SPAG16: variants seen among roughly 807,000 people sequenced by gnomAD.
SPAG16 encodes the protein sperm associated antigen 16.
In SPAG16, 86 loss-of-function variants were observed where a neutral mutation model predicts 80.4. The observed-to-expected ratio is 1.07, with a 90% CI of 0.90 to 1.28. The LOEUF is 1.28. SPAG16 is among the 50% of genes most tolerant of loss of function. The pLI is 0.00. For missense variants in SPAG16, 870 were observed against 765.3 expected (o/e 1.14, Z -1.61); for synonymous variants, 294 against 265.9 (o/e 1.11, Z -1.03).
At chr2:213,455,220 T>TGAA (rs2071928986) in intron 9 of SPAG16, among the ~76,000 whole-genome samples, 1 of 152,200 alleles carries the variant, frequency 6.6e-6, no homozygotes, top group Admixed American at 6.5e-5. Flanking sequence ...ATTCTGAAGT[T>TGAA]TTACCTGAGG....
Position 213,804,645 on chromosome 2 carries a change from T to G in SPAG16, c.1071-57840T>G, listed in dbSNP as rs374983696. On this transcript the variant is annotated intron_variant, in intron 10 of 15. Transcript: ENST00000331683. ...TTGCAGTGAGCCGAGATCGCGCCAC[T>G]GCAGTCCAGCTTGGGCGACAGAGCG... 3.3e-5 allele frequency among the ~76,000 whole-genome samples: 5 copies of G among 152,306 alleles called. No homozygotes were observed. The South Asian group carries it at 1.0e-3, about 32-fold the overall frequency.
chr2:213,681,645 G>A (rs964287468), intron 10 of SPAG16, among the ~76,000 whole-genome samples: 5 of 152,030 alleles, frequency 3.3e-5, no homozygotes, highest in Non-Finnish European at 7.4e-5. Flanking sequence ...AACAAAACAT[G>A]GCTAAATAAA....
intron 12 of SPAG16, among the ~76,000 whole-genome samples, chr2:213,933,044 TAA>T (rs2078836633): frequency 6.6e-6 from 1 of 150,844 alleles, no homozygotes. Flanking sequence ...CATAAATGAA[TAA>T]AGAGTGATTC....
intron 13 of SPAG16, among the ~76,000 whole-genome samples, chr2:214,046,378 A>C (rs746699448): frequency 2.0e-5 from 3 of 152,216 alleles, no homozygotes; most frequent in Non-Finnish European, 2.9e-5. Context: ...TGATACCAAA[A>C]CCAGACAAAG....
chr2:213,351,276 C>T (rs1014943721), intron 7 of SPAG16, among the ~76,000 whole-genome samples: 35 of 152,174 alleles, frequency 2.3e-4, no homozygotes, highest in Admixed American at 2.2e-3. Flanking sequence ...CAGCTATAAA[C>T]ATTAACCTTA....
intron 11 of SPAG16, among the ~76,000 whole-genome samples, chr2:213,918,811 A>C (rs115141252): frequency 0.014 from 2,162 of 151,758 alleles, 42 homozygotes; most frequent in African/African-American, 0.049. Context: ...TTTGTAACTC[A>C]TTTTTTTTGT....
chr2:214,073,842 T>C (rs545827003), intron 13 of SPAG16, among the ~76,000 whole-genome samples: 4 of 152,172 alleles, frequency 2.6e-5, no homozygotes, highest in African/African-American at 9.6e-5. Context: ...GGCTCAAAAA[T>C]AGACAAGTAG....
intron 9 of SPAG16, among the ~76,000 whole-genome samples, chr2:213,401,173 T>G (rs186566884): frequency 3.6e-4 from 55 of 152,364 alleles, no homozygotes; most frequent in Non-Finnish European, 6.6e-4. Flanking sequence ...AATGATAATT[T>G]GAGAAACCTG....
chr2:213,800,629 C>T (rs2071337816), intron 10 of SPAG16, among the ~76,000 whole-genome samples: 1 of 152,002 alleles, frequency 6.6e-6, no homozygotes, highest in East Asian at 1.9e-4. Context: ...TGACTTTATC[C>T]CACAGTAGTG....
At chr2:213,376,689 AT>A (rs1264253221) in intron 9 of SPAG16, among the ~76,000 whole-genome samples, 3 of 152,094 alleles carry the variant, frequency 2.0e-5, no homozygotes, top group African/African-American at 7.2e-5. Flanking sequence ...GATTTGAATT[AT>A]ATTATTATGT....
At chr2:214,215,696 A>G (rs2058414790) in intron 15 of SPAG16, among the ~76,000 whole-genome samples, 1 of 152,170 alleles carries the variant, frequency 6.6e-6, no homozygotes, top group African/African-American at 2.4e-5. Flanking sequence ...TGCAATGATA[A>G]TGCTATTGCT....
chr2:213,670,114 C>A (rs1180727069), intron 10 of SPAG16, among the ~76,000 whole-genome samples: 1 of 151,966 alleles, frequency 6.6e-6, no homozygotes, highest in Non-Finnish European at 1.5e-5. Context: ...TCTGCCTCAG[C>A]CTCCCAAGTA....
At chr2:214,367,932 C>A (rs1219740667) in intron 15 of SPAG16, among the ~76,000 whole-genome samples, 1 of 152,114 alleles carries the variant, frequency 6.6e-6, no homozygotes, top group Non-Finnish European at 1.5e-5. Flanking sequence ...CCCCAATTCT[C>A]TGACCTATAT....
At chr2:213,336,905 A>G (rs2064392906) in intron 5 of SPAG16, among the ~76,000 whole-genome samples, 2 of 152,082 alleles carry the variant, frequency 1.3e-5, no homozygotes, top group African/African-American at 4.8e-5. Flanking sequence ...GCCTGATCCC[A>G]CTCCTGCTGA....
At chr2:214,248,318 T>C (rs1334841754) in intron 15 of SPAG16, among the ~76,000 whole-genome samples, 2 of 107,734 alleles carry the variant, frequency 1.9e-5, no homozygotes, top group Non-Finnish European at 4.1e-5. Flanking sequence ...TTATTATTAT[T>C]ATTATTATTA....
At chr2:214,011,267 C>T (rs1253136892) in intron 12 of SPAG16, among the ~76,000 whole-genome samples, 2 of 145,992 alleles carry the variant, frequency 1.4e-5, no homozygotes, top group Non-Finnish European at 3.0e-5. Context: ...AATGTTCATA[C>T]TTACATTTTT....
rs1178338532 is a variant in SPAG16 at position 213,490,071 on chromosome 2, C to A, written c.1051C>A (p.His351Asn). The A allele has an allele frequency of 1.9e-6, 3 of 1,592,586 alleles. No homozygotes were observed. The highest frequency in any genetic ancestry group is 2.6e-6 in the Non-Finnish European group (3 of 1,171,014). The change falls in exon 10 of 16, where the codon CAT (histidine) becomes AAT (asparagine). Residue 351 changes from histidine (H) to asparagine (N), a missense_variant. Coordinates refer to ENST00000331683, the MANE Select transcript of SPAG16 (RefSeq NM_024532.5). ...DYKLKNIFRLHELPVSCVSMQ... is the reference protein window; with the variant it reads ...DYKLKNIFRLNELPVSCVSMQ... ...CAAGCTGAAAAACATTTTTAGACTC[C>A]ATGAACTTCCAGTGAGCTGGTAGGA...
chr2:213,298,295 A>G (rs569917055), intron 3 of SPAG16, among the ~76,000 whole-genome samples: 1 of 152,206 alleles, frequency 6.6e-6, no homozygotes, highest in Non-Finnish European at 1.5e-5. Context: ...TTCTTGGTAG[A>G]CACAAAGTGA....
At position 214,061,502 on chromosome 2, in the gene SPAG16, G is replaced by C. The variant is rs556194045; in HGVS notation, c.1528-46694G>C. 2.7e-4 allele frequency among the ~76,000 whole-genome samples: 41 copies of C among 152,250 alleles called. 1 individual carries two copies. In the South Asian group the frequency reaches 7.7e-3, roughly 28 times the overall value. The stretch of plus-strand genomic sequence containing the variant: ...ACCAGTAGGCTGGAGACTCACAGAA[G>C]GGTTGATATTGCAGTTCAAGTCTGA... On this transcript the variant is annotated intron_variant, in intron 13 of 15. Coordinates refer to ENST00000331683, the MANE Select transcript of SPAG16 (RefSeq NM_024532.5).
Sources: allele counts gnomAD v4.1 joint callset (sites outside exome capture counted in the v4.1 genomes callset), GRCh38; gene constraint gnomAD v4.1.1; transcripts MANE v1.5; gene names NCBI Gene and HGNC (gene_info 2026-07-23, HGNC 2026-07-21).